CATSPER3: variants seen among roughly 807,000 people sequenced by gnomAD.
CATSPER3 encodes cation channel sperm associated 3, also known as cation channel sperm-associated protein 3.
A neutral mutation model predicts 36.6 loss-of-function variants in CATSPER3; 23 were observed. The ratio of observed to expected loss-of-function variants is 0.63; its 90% CI spans 0.45 to 0.89. The LOEUF (loss-of-function observed/expected upper bound fraction) is 0.89. Among genes scored for constraint, CATSPER3 ranks in the 40% least tolerant of loss-of-function variants. CATSPER3 has a pLI of 0.00. For missense variants in CATSPER3, 474 were observed against 503.9 expected (o/e 0.94, Z 0.57); for synonymous variants, 172 against 184.1 (o/e 0.93, Z 0.53).
intron 3 of CATSPER3, among the ~76,000 whole-genome samples, chr5:135,004,711 C>A (rs1237062262): frequency 6.6e-6 from 1 of 152,126 alleles, no homozygotes; most frequent in East Asian, 1.9e-4. Flanking sequence ...AGGCTGACAG[C>A]AGGGTTGCCT....
intron 3 of CATSPER3, among the ~76,000 whole-genome samples, chr5:134,998,400 A>G (rs1187090237): frequency 1.3e-5 from 2 of 152,214 alleles, no homozygotes; most frequent in East Asian, 1.9e-4. Flanking sequence ...GTGTCTTTAT[A>G]GCAGCATGAT....
chr5:134,989,864 GATTA>G (rs1202575290), intron 2 of CATSPER3, among the ~76,000 whole-genome samples: 2 of 152,196 alleles, frequency 1.3e-5, no homozygotes, highest in African/African-American at 2.4e-5. Flanking sequence ...TCCTCACTAA[GATTA>G]ATTATTTCTA....
At chr5:134,985,069 T>A (rs1580906514) in intron 2 of CATSPER3, among the ~76,000 whole-genome samples, 1 of 152,206 alleles carries the variant, frequency 6.6e-6, no homozygotes, top group Non-Finnish European at 1.5e-5. Flanking sequence ...TCTGCCCACC[T>A]CAGCCTCCCA....
chr5:134,997,502 T>C (rs1471186093), intron 3 of CATSPER3, among the ~76,000 whole-genome samples: 6 of 152,036 alleles, frequency 3.9e-5, no homozygotes, highest in African/African-American at 1.4e-4. Context: ...ATTTATGCCC[T>C]AGCTGTTTTC....
intron 3 of CATSPER3, among the ~76,000 whole-genome samples, chr5:135,001,844 G>A (rs1752023454): frequency 6.6e-6 from 1 of 152,018 alleles, no homozygotes; most frequent in Non-Finnish European, 1.5e-5. Flanking sequence ...TTTATTTTGA[G>A]CCTATGTGTG....
chr5:134,987,605 A>T (rs569280692), intron 2 of CATSPER3, among the ~76,000 whole-genome samples: 1 of 152,220 alleles, frequency 6.6e-6, no homozygotes, highest in Non-Finnish European at 1.5e-5. Flanking sequence ...TAGCAGGATT[A>T]TACACCACGA....
chr5:134,976,042 G>T (rs1751668897), intron 2 of CATSPER3, among the ~76,000 whole-genome samples: 1 of 152,190 alleles, frequency 6.6e-6, no homozygotes, highest in Non-Finnish European at 1.5e-5. Flanking sequence ...AATACTACAT[G>T]ATCTCACTCA....
At position 135,009,895 on chromosome 5, in the gene CATSPER3, T is replaced by G. The variant is rs1417080847; in HGVS notation, c.936+405T>G. 3.3e-5 allele frequency among the ~76,000 whole-genome samples: 5 copies of G among 152,300 alleles called. No homozygotes were observed. The East Asian group carries it at 5.8e-4, about 18-fold the overall frequency. ...GCCAGACAACCTTGGTTCTCTCACATTCCTAAACCCAGAACAAGAATGGGC... is the reference window on the plus strand; with the variant it reads ...GCCAGACAACCTTGGTTCTCTCACAGTCCTAAACCCAGAACAAGAATGGGC... On this transcript the variant is annotated intron_variant, in intron 6 of 7. Coordinates refer to ENST00000282611, the MANE Select transcript of CATSPER3 (RefSeq NM_178019.3).
intron 3 of CATSPER3, among the ~76,000 whole-genome samples, chr5:135,006,183 A>G (rs1305539450): frequency 2.0e-5 from 3 of 152,164 alleles, no homozygotes; most frequent in Non-Finnish European, 4.4e-5. Context: ...CTGCACCCTA[A>G]GAGGGCCTGC....
intron 7 of CATSPER3, 47 bp from the exon 8 acceptor site, chr5:135,011,474 G>A (rs547408210): frequency 1.4e-6 from 2 of 1,436,852 alleles, no homozygotes; most frequent in Non-Finnish European, 1.9e-6. Flanking sequence ...GGGTCCTGGA[G>A]CCTGCCTCTG....
At chr5:134,997,244 G>A (rs1751961522) in intron 3 of CATSPER3, among the ~76,000 whole-genome samples, 1 of 152,242 alleles carries the variant, frequency 6.6e-6, no homozygotes, top group African/African-American at 2.4e-5. Flanking sequence ...GGGCTTGGGT[G>A]GCTGGCCGTC....
chr5:134,973,130 A>G lies in CATSPER3; in HGVS notation c.252+3038A>G, dbSNP rs143634666. Among the ~76,000 whole-genome samples, 185 of 152,366 alleles carry G rather than the reference A, an allele frequency of 1.2e-3. 1 individual carries two copies. The highest frequency in any genetic ancestry group is 3.5e-3 in the African/African-American group (144 of 41,594). On this transcript the variant is annotated intron_variant, in intron 2 of 7. Transcript: ENST00000282611. ...TCCAAGAGCCCTTCCTTAGTAATTT[A>G]CTAAAGAATAGGTTTCAGCCAACCA...
In CATSPER3 at chr5:134,979,635, A is replaced by G. The variant is rs917527891; in HGVS notation, c.252+9543A>G. Among the ~76,000 whole-genome samples, 5 of 152,226 alleles carry G rather than the reference A, an allele frequency of 3.3e-5. No homozygotes were observed. The South Asian group carries it at 6.2e-4, about 19-fold the overall frequency. On this transcript the variant is annotated intron_variant, in intron 2 of 7. Coordinates refer to ENST00000282611, the MANE Select transcript of CATSPER3 (RefSeq NM_178019.3). ...CAAAAAAAGTTAAAGCAAACAACGG[A>G]CATACTGAAGTGTAGGAAGAAAGGC...
intron 4 of CATSPER3, 59 bp downstream of exon 4, chr5:135,008,198 G>T: frequency 7.1e-7 from 1 of 1,399,830 alleles, no homozygotes; most frequent in South Asian, 1.2e-5. Flanking sequence ...AGCCTAGGTG[G>T]TGCAAGCGTG....
chr5:134,982,178 A>T (rs1751759337), intron 2 of CATSPER3, among the ~76,000 whole-genome samples: 2 of 152,202 alleles, frequency 1.3e-5, no homozygotes, highest in South Asian at 4.1e-4. Context: ...AAAAATGATG[A>T]TAAATGAACA....
chr5:134,979,951 C>CCTTCCCTCCCTCCTTTCCTACG (rs2149546908), intron 2 of CATSPER3, among the ~76,000 whole-genome samples: 1 of 141,382 alleles, frequency 7.1e-6, no homozygotes, highest in South Asian at 2.6e-4. Flanking sequence ...CATTTCCCAC[C>CCTTCCCTCCCTCCTTTCCTACG]CTTCCCTCCC....
chr5:134,975,038 C>T (rs1751651231), intron 2 of CATSPER3: 1 of 152,030 alleles, frequency 6.6e-6, no homozygotes, highest in South Asian at 2.1e-4. Flanking sequence ...GCCCCAGCTT[C>T]CTACCTTATT....
intron 3 of CATSPER3, among the ~76,000 whole-genome samples, chr5:135,001,888 C>A (rs919762718): frequency 2.6e-5 from 4 of 152,210 alleles, no homozygotes; most frequent in Non-Finnish European, 5.9e-5. Context: ...CTGAATACAG[C>A]ACACTGATGG....
intron 2 of CATSPER3, among the ~76,000 whole-genome samples, chr5:134,980,620 G>A (rs1751739155): frequency 6.6e-6 from 1 of 151,458 alleles, no homozygotes; most frequent in Non-Finnish European, 1.5e-5. Flanking sequence ...TAGTAGACAT[G>A]GGGTTTCACC....
Sources: gnomAD v4.1 joint callset for allele counts (sites outside exome capture counted in the v4.1 genomes callset) on GRCh38, gnomAD v4.1.1 for gene constraint, MANE v1.5 for transcripts, NCBI Gene and HGNC (gene_info 2026-07-23, HGNC 2026-07-21) for gene names.